GABPB2: variants seen among roughly 807,000 people sequenced by gnomAD.
GABPB2 encodes GA binding protein transcription factor subunit beta 2, also known as GA-binding protein subunit beta-2.
Under a neutral mutation model 39.1 loss-of-function variants are expected in GABPB2, and 23 were observed. The observed-to-expected ratio is 0.59, with a 90% CI of 0.42 to 0.83. The LOEUF is 0.83. Ranked by LOEUF, GABPB2 falls within the 40% of genes least tolerant of loss-of-function variation. The pLI is 0.00. For missense variants in GABPB2, 467 were observed against 541.1 expected (o/e 0.86, Z 1.36); for synonymous variants, 184 against 199.3 (o/e 0.92, Z 0.65).
rs587602444 is a variant in GABPB2 at position 151,119,283 on chromosome 1, T to C, written c.*1027T>C. On this transcript the variant is annotated 3_prime_UTR_variant, in exon 9 of 9. Transcript: ENST00000368918. ...TGGTTGCACCACTGCTCTCCAGGCTTGAGTGACAGAGCAAGACTGTATCTC... is the reference window on the plus strand; with the variant it reads ...TGGTTGCACCACTGCTCTCCAGGCTCGAGTGACAGAGCAAGACTGTATCTC... The C allele has an allele frequency of 1.3e-5, 2 of 152,158 alleles. No homozygotes were observed. Among genetic ancestry groups the C allele is most frequent in the East Asian group, 3.9e-4 (2 of 5,146 alleles). The allele number at this position is 152,158 out of a possible 1,614,324, so 9.4% of individuals were successfully genotyped here.
At chr1:151,110,156 C>T (rs1680309881) in intron 7 of GABPB2, among the ~76,000 whole-genome samples, 1 of 151,504 alleles carries the variant, frequency 6.6e-6, no homozygotes. Context: ...GTCACGACCC[C>T]TGGTCTTTTT....
In GABPB2 at chr1:151,117,900, G is replaced by A. The variant is rs1329794370; in HGVS notation, c.1048-57G>A. On this transcript the variant is annotated intron_variant, in intron 8 of 8. Transcript: ENST00000368918. ...CTCCTGGCCTGTCTTTTTGTCTACT[G>A]TCTGGATAATTTATGATCAGGAATT... is the stretch of plus-strand genomic sequence containing the variant. 2.0e-6 allele frequency: 3 copies of A among 1,530,554 alleles called. No individual in the cohort carries two copies. The South Asian group carries it at 3.6e-5, about 19-fold the overall frequency. 94.8% of individuals were successfully genotyped at this position (1,530,554 alleles called of 1,614,324 possible). A position where few individuals can be genotyped will look rare whatever the true frequency, so the allele number is the denominator to read the frequency against.
At chr1:151,075,551 G>A (rs587725745) in intron 1 of GABPB2, among the ~76,000 whole-genome samples, 97 of 129,444 alleles carry the variant, frequency 7.5e-4, no homozygotes, top group Admixed American at 2.2e-3. Flanking sequence ...GCGACAGAGC[G>A]AGACTTTGTC....
In GABPB2 at chr1:151,091,378, G is replaced by A. The variant is rs587763911; in HGVS notation, c.276+805G>A. Among the ~76,000 whole-genome samples the A allele has an allele frequency of 7.8e-5, 11 of 140,238 alleles. No individual in the cohort carries two copies. In the South Asian group the frequency reaches 1.4e-3, roughly 18 times the overall value. 92.0% of individuals were successfully genotyped at this position (140,238 alleles called of 152,430 possible). A position where few individuals can be genotyped will look rare whatever the true frequency, so the allele number is the denominator to read the frequency against. On this transcript the variant is annotated intron_variant, in intron 3 of 8. Transcript: ENST00000368918. ...GCTTGGATTACAGATGTGAGTCACC[G>A]CACCTGACTGTTTTCTAATTTATTA...
chr1:151,086,729 G>A (rs1274810331), intron 1 of GABPB2, among the ~76,000 whole-genome samples: 1 of 151,534 alleles, frequency 6.6e-6, no homozygotes, highest in Non-Finnish European at 1.5e-5. Context: ...GTGCAGTGGT[G>A]CAATCTCAGC....
intron 4 of GABPB2, among the ~76,000 whole-genome samples, chr1:151,096,119 A>G (rs1679080160): frequency 6.6e-6 from 1 of 151,284 alleles, no homozygotes; most frequent in Non-Finnish European, 1.5e-5. Context: ...GGGGATAATT[A>G]TATATGAAAA....
intron 5 of GABPB2, among the ~76,000 whole-genome samples, chr1:151,102,392 A>G (rs991242109): frequency 6.6e-6 from 1 of 152,212 alleles, no homozygotes; most frequent in Non-Finnish European, 1.5e-5. Flanking sequence ...TAGCGTTTTT[A>G]GTGTTAATCT....
At chr1:151,112,486 C>T (rs1195805434) in intron 7 of GABPB2, among the ~76,000 whole-genome samples, 3 of 150,276 alleles carry the variant, frequency 2.0e-5, no homozygotes. Flanking sequence ...GAATTATAGG[C>T]GTTTCCCACC....
Position 151,080,430 on chromosome 1 carries a change from C to T in GABPB2, c.1-7760C>T, listed in dbSNP as rs587646937. On this transcript the variant is annotated intron_variant, in intron 1 of 8. Transcript: ENST00000368918. ...GGAGGCTGAGGCAGGAGAATCGCTTCAACCCAGGAGGCAGAGGTTGCAGTG... is the reference window on the plus strand; with the variant it reads ...GGAGGCTGAGGCAGGAGAATCGCTTTAACCCAGGAGGCAGAGGTTGCAGTG... Among the ~76,000 whole-genome samples, 123 of 146,224 alleles carry T rather than the reference C, an allele frequency of 8.4e-4. 2 individuals are homozygous for T. The South Asian group carries it at 0.026, about 31-fold the overall frequency.
intron 1 of GABPB2, among the ~76,000 whole-genome samples, chr1:151,077,995 G>A (rs1290713164): frequency 6.6e-6 from 1 of 151,212 alleles, no homozygotes; most frequent in East Asian, 2.0e-4. Flanking sequence ...TAAAGGCCGG[G>A]CACGGTGGCT....
intron 1 of GABPB2, among the ~76,000 whole-genome samples, chr1:151,080,667 G>GTGAA (rs1677604065): frequency 6.6e-6 from 1 of 150,500 alleles, no homozygotes; most frequent in Non-Finnish European, 1.5e-5. Context: ...GGCCAAGATG[G>GTGAA]TGAAACCCCA....
At chr1:151,109,669 TTTTG>T (rs1680255939) in intron 7 of GABPB2, among the ~76,000 whole-genome samples, 1 of 151,542 alleles carries the variant, frequency 6.6e-6, no homozygotes, top group African/African-American at 2.4e-5. Context: ...TATAGTTTTT[TTTTG>T]TTTGTTTTGT....
intron 6 of GABPB2, among the ~76,000 whole-genome samples, chr1:151,104,358 G>A (rs1679770337): frequency 6.6e-6 from 1 of 152,170 alleles, no homozygotes; most frequent in Non-Finnish European, 1.5e-5. Flanking sequence ...CATCATATAT[G>A]AAAGCAGAAT....
chr1:151,073,650 G>A (rs1255092318), intron 1 of GABPB2, among the ~76,000 whole-genome samples: 1 of 152,104 alleles, frequency 6.6e-6, no homozygotes, highest in African/African-American at 2.4e-5. Context: ...AGGCCGGCGC[G>A]GTGGCTCATC....
At chr1:151,085,820 G>A (rs1011228656) in intron 1 of GABPB2, among the ~76,000 whole-genome samples, 2 of 152,114 alleles carry the variant, frequency 1.3e-5, no homozygotes, top group African/African-American at 4.8e-5. Flanking sequence ...TCATGTTTCA[G>A]TAAGCAGCAG....
chr1:151,109,365 T>TATATATA (rs1491291362), intron 7 of GABPB2, among the ~76,000 whole-genome samples: 1,105 of 68,988 alleles, frequency 0.016, 14 homozygotes, highest in African/African-American at 0.047. Context: ...TATATATATA[T>TATATATA]TTTTTTTTTT....
chr1:151,090,607 A>G, intron 3 of GABPB2, 34 bp downstream of exon 3: 1 of 1,598,198 alleles, frequency 6.3e-7, no homozygotes. Context: ...TTATGTTGTT[A>G]AAAAGGCATC....
chr1:151,109,865 GAC>G (rs1376392287), intron 7 of GABPB2, among the ~76,000 whole-genome samples: 2 of 150,204 alleles, frequency 1.3e-5, no homozygotes, highest in Non-Finnish European at 3.0e-5. Flanking sequence ...TTTAGACAGG[GAC>G]ACAGTCTGTC....
In GABPB2 at chr1:151,098,021, G is replaced by A. The variant is rs778759880; in HGVS notation, c.622+19G>A. 2.5e-6 allele frequency: 4 copies of A among 1,610,666 alleles called. No homozygotes were observed. ...ACCTCAGGTAATGTTCTGATAACATGAAATTTATTTTAGACTCAAAAAAGA... is the reference window on the plus strand; with the variant it reads ...ACCTCAGGTAATGTTCTGATAACATAAAATTTATTTTAGACTCAAAAAAGA... On this transcript the variant is annotated intron_variant, in intron 5 of 8. Coordinates refer to ENST00000368918, the MANE Select transcript of GABPB2 (RefSeq NM_144618.3).
Sources: gnomAD v4.1 joint callset for allele counts (sites outside exome capture counted in the v4.1 genomes callset) on GRCh38, gnomAD v4.1.1 for gene constraint, MANE v1.5 for transcripts, NCBI Gene and HGNC (gene_info 2026-07-23, HGNC 2026-07-21) for gene names.